Variants in USH2A observed in about 807,000 individuals in gnomAD.
The protein encoded by USH2A is usherin.
USH2A carries 443 observed loss-of-function variants against 538.9 expected under a neutral mutation model. The ratio of observed to expected loss-of-function variants is 0.82; its 90% CI spans 0.76 to 0.89. USH2A has a LOEUF of 0.89. USH2A is among the 40% of genes least tolerant of loss of function. The pLI is 0.00. For missense variants in USH2A, 6,633 were observed against 6,324.8 expected (o/e 1.05, Z -1.65); for synonymous variants, 2,413 against 2,273.5 (o/e 1.06, Z -1.75).
chr1:216,390,548 T>A (rs1384068071), intron 3 of USH2A, among the ~76,000 whole-genome samples: 1 of 152,202 alleles, frequency 6.6e-6, no homozygotes, highest in Non-Finnish European at 1.5e-5. Context: ...TGCATTCTAC[T>A]GTTCAATTAA....
In USH2A at chr1:216,323,542, AT is replaced by A; in HGVS notation, c.1481del (p.Tyr494LeufsTer97). ...QIRFHFHGQY[Y>X]TTETAVNLRH... ...TGAGGTTAACAGCAGTCTCAGTTGT[AT>A]AGTACTGCCCATGAAAATGAAACCT... On this transcript the variant is annotated frameshift_variant, in exon 8 of 72. Transcript: ENST00000307340. LOFTEE classifies it high-confidence loss of function. The A allele has an allele frequency of 6.2e-7, 1 of 1,613,498 alleles. No individual in the cohort carries two copies. The highest frequency in any genetic ancestry group is 8.5e-7 in the Non-Finnish European group (1 of 1,179,726).
chr1:215,754,206 T>C (rs1023152085), intron 58 of USH2A, among the ~76,000 whole-genome samples: 2 of 152,186 alleles, frequency 1.3e-5, no homozygotes, highest in African/African-American at 4.8e-5. Context: ...GTTTGGCATA[T>C]AGTAGGAATT....
intron 61 of USH2A, among the ~76,000 whole-genome samples, chr1:215,726,028 C>T (rs1571624639): frequency 6.6e-6 from 1 of 152,094 alleles, no homozygotes; most frequent in African/African-American, 2.4e-5. Flanking sequence ...AGGCTCCTAC[C>T]CCTGAAAGTT....
intron 35 of USH2A, among the ~76,000 whole-genome samples, chr1:215,988,471 G>A (rs1005314882): frequency 1.1e-4 from 16 of 152,202 alleles, no homozygotes; most frequent in East Asian, 5.8e-4. Context: ...CGTAGCTACC[G>A]TGAATAATGC....
At position 216,422,239 on chromosome 1, in the gene USH2A, G is replaced by T. The variant is rs2039690812; in HGVS notation, c.98C>A (p.Ser33Ter). 1.2e-6 allele frequency: 2 copies of T among 1,613,058 alleles called. No homozygotes were observed. The highest frequency in any genetic ancestry group is 2.2e-5 in the South Asian group (2 of 91,036). The change falls in exon 2 of 72, where the codon TCA becomes TAA. Residue 33 changes from serine (S) to a stop codon, truncating the protein, a stop_gained. Coordinates refer to ENST00000307340, the MANE Select transcript of USH2A (RefSeq NM_206933.4). LOFTEE classifies it high-confidence loss of function. The part of the protein sequence containing the change: ...AYFASISLTE[S>*]RGLFPRLENV... ...CTCCAGCCTTGGGAAAAGACCTCGT[G>T]ACTCAGTCAAGGATATTGAAGCAAA...
At chr1:215,727,944 G>T in intron 61 of USH2A, 86 bp downstream of exon 61, 1 of 1,486,404 alleles carries the variant, frequency 6.7e-7, no homozygotes, top group Non-Finnish European at 9.3e-7. Context: ...CCTAAGTGAA[G>T]AAAAATGAGA....
chr1:215,703,392 G>A (rs572197540), intron 61 of USH2A, among the ~76,000 whole-genome samples: 1 of 152,210 alleles, frequency 6.6e-6, no homozygotes, highest in African/African-American at 2.4e-5. Context: ...GAACGTTTAA[G>A]TCTGCTGAAG....
intron 13 of USH2A, among the ~76,000 whole-genome samples, chr1:216,235,366 A>T (rs1436637882): frequency 6.6e-6 from 1 of 152,180 alleles, no homozygotes; most frequent in East Asian, 1.9e-4. Context: ...AAGCATGGTC[A>T]TTAGGACAAC....
intron 38 of USH2A, among the ~76,000 whole-genome samples, chr1:215,924,014 C>T (rs1439690216): frequency 2.0e-5 from 3 of 151,842 alleles, no homozygotes; most frequent in Non-Finnish European, 2.9e-5. Flanking sequence ...GTGTGAGACA[C>T]CACACCCAGC....
intron 37 of USH2A, among the ~76,000 whole-genome samples, chr1:215,953,010 A>G (rs1376883218): frequency 6.6e-6 from 1 of 152,176 alleles, no homozygotes; most frequent in Non-Finnish European, 1.5e-5. Context: ...CTTACAAGGG[A>G]CGTGAAGGAC....
At chr1:216,414,921 A>G (rs1163243933) in intron 3 of USH2A, among the ~76,000 whole-genome samples, 1 of 152,168 alleles carries the variant, frequency 6.6e-6, no homozygotes, top group Non-Finnish European at 1.5e-5. Flanking sequence ...GTTTAGATGC[A>G]TTATATAATC....
In USH2A at chr1:216,003,097, C is replaced by T. The variant is rs140136535; in HGVS notation, c.6326-2535G>A. 3.9e-5 allele frequency among the ~76,000 whole-genome samples: 6 copies of T among 151,992 alleles called. No individual in the cohort carries two copies. In the East Asian group the frequency reaches 5.8e-4, roughly 15 times the overall value. On this transcript the variant is annotated intron_variant, in intron 32 of 71. Transcript: ENST00000307340. ...ATTCTTCCATGGAGTGGGAAGTGTC[C>T]GTTTCTATAACAACTGGGACTGGGG...
chr1:216,180,151 T>C (rs2034465351), intron 20 of USH2A, among the ~76,000 whole-genome samples: 1 of 152,106 alleles, frequency 6.6e-6, no homozygotes, highest in Non-Finnish European at 1.5e-5. Flanking sequence ...TATGTATGAT[T>C]AAGGAATACA....
intron 9 of USH2A, among the ~76,000 whole-genome samples, chr1:216,299,938 T>G (rs2037181438): frequency 6.6e-6 from 1 of 152,200 alleles, no homozygotes; most frequent in Non-Finnish European, 1.5e-5. Context: ...CAATGCCTAT[T>G]TGGGTCTTTG....
At chr1:215,896,527 G>C (rs879847696) in intron 40 of USH2A, among the ~76,000 whole-genome samples, 3 of 152,202 alleles carry the variant, frequency 2.0e-5, no homozygotes, top group Admixed American at 6.5e-5. Context: ...TTAATTCATA[G>C]TTAACACAAG....
intron 5 of USH2A, 62 bp downstream of exon 5, chr1:216,327,528 AT>A: frequency 6.4e-7 from 1 of 1,567,768 alleles, no homozygotes; most frequent in Non-Finnish European, 8.8e-7. Context: ...TAGTATTCTT[AT>A]TTAAGTGAAT....
At position 216,072,362 on chromosome 1, in the gene USH2A, C is replaced by A. The variant is rs917189896; in HGVS notation, c.5857+527G>T. On this transcript the variant is annotated intron_variant, in intron 29 of 71. Transcript: ENST00000307340. ...CTTTTCCAATTCAAAATATATTAAA[C>A]CAATCAGCAATTTCTCTCTTGGGAG... The A allele has an allele frequency of 1.4e-4, 26 of 185,004 alleles. No individual in the cohort carries two copies. The South Asian group carries it at 2.5e-3, about 18-fold the overall frequency. The allele number at this position is 185,004 out of a possible 1,614,324, so 11.5% of individuals were successfully genotyped here. A position where few individuals can be genotyped will look rare whatever the true frequency, so the allele number is the denominator to read the frequency against.
chr1:216,002,047 G>A (rs1668276243), intron 32 of USH2A, among the ~76,000 whole-genome samples: 1 of 152,268 alleles, frequency 6.6e-6, no homozygotes, highest in South Asian at 2.1e-4. Context: ...TGGTGAAGCA[G>A]TGTGGCATTG....
intron 4 of USH2A, among the ~76,000 whole-genome samples, chr1:216,352,665 C>G (rs1229498837): frequency 6.6e-6 from 1 of 151,976 alleles, no homozygotes; most frequent in Non-Finnish European, 1.5e-5. Context: ...AACAACATGC[C>G]TTTATTCCCT....
Sources: allele counts gnomAD v4.1 joint callset (sites outside exome capture counted in the v4.1 genomes callset), GRCh38; gene constraint gnomAD v4.1.1; transcripts MANE v1.5; gene names NCBI Gene and HGNC (gene_info 2026-07-23, HGNC 2026-07-21).